Variants in GALNT11 observed in about 807,000 individuals in gnomAD.
GALNT11 encodes UDP-GalNAc:polypeptide N-acetylgalactosaminyltransferase 11.
A neutral mutation model predicts 72.7 loss-of-function variants in GALNT11; 47 were observed. The observed-to-expected ratio is 0.65, with a 90% CI of 0.51 to 0.82. The LOEUF is 0.82. Among genes scored for constraint, GALNT11 ranks in the 40% least tolerant of loss-of-function variants. The pLI is 0.00. For synonymous variants in GALNT11, 270 were observed against 286.6 expected, an observed-to-expected ratio of 0.94 and a Z score of 0.58; for missense variants, 677 against 778.4, an observed-to-expected ratio of 0.87 and a Z score of 1.55.
At chr7:152,026,270 A>G (rs1440355240) in intron 1 of GALNT11, among the ~76,000 whole-genome samples, 1 of 152,256 alleles carries the variant, frequency 6.6e-6, no homozygotes, top group Non-Finnish European at 1.5e-5. Flanking sequence ...TCACACATAC[A>G]CAAAACTAGG....
intron 9 of GALNT11, chr7:152,118,036 A>T (rs778801135): frequency 6.6e-6 from 1 of 152,604 alleles, no homozygotes; most frequent in Non-Finnish European, 1.5e-5. Context: ...TGAAGAAGGC[A>T]CTTCTCCCAG....
intron 1 of GALNT11, among the ~76,000 whole-genome samples, chr7:152,043,403 A>G (rs1283902730): frequency 6.6e-6 from 1 of 152,216 alleles, no homozygotes; most frequent in Non-Finnish European, 1.5e-5. Flanking sequence ...GGGGACAGAC[A>G]TTGTACAGGG....
chr7:152,069,114 C>G (rs1193952340), intron 1 of GALNT11, among the ~76,000 whole-genome samples: 1 of 152,158 alleles, frequency 6.6e-6, no homozygotes, highest in Non-Finnish European at 1.5e-5. Context: ...TGCTTTGTAT[C>G]CCACAAATGT....
At chr7:152,102,742 G>T (rs926765850) in intron 3 of GALNT11, among the ~76,000 whole-genome samples, 3 of 152,180 alleles carry the variant, frequency 2.0e-5, no homozygotes, top group Non-Finnish European at 4.4e-5. Context: ...AGCACTTTGG[G>T]AGGCTGGGGT....
rs542452095 is a variant in GALNT11, at chr7:152,093,125, A to G, written c.-38-1065A>G. Among the ~76,000 whole-genome samples, 3 of 151,820 alleles carry G rather than the reference A, an allele frequency of 2.0e-5. No homozygotes were observed. The South Asian group carries it at 6.3e-4, about 32-fold the overall frequency. On this transcript the variant is annotated intron_variant, in intron 1 of 11. Coordinates refer to ENST00000430044, the MANE Select transcript of GALNT11 (RefSeq NM_022087.4). ...GCACCTGTAATCCCAGCTACTTGGG[A>G]GGCTGAGGCAGGAGAATCACTTGAA... is the stretch of plus-strand genomic sequence containing the variant.
intron 9 of GALNT11, chr7:152,117,960 T>TCTTAGATGTTGGCTTCTAAAAGCCAA (rs2089044589): frequency 3.3e-5 from 5 of 153,076 alleles, no homozygotes; most frequent in Non-Finnish European, 5.8e-5. Context: ...CTGAGTCATC[T>TCTTAGATGTTGGCTTCTAAAAGCCAA]CTTAGAGTTG....
chr7:152,071,154 G>A (rs1307806863), intron 1 of GALNT11, among the ~76,000 whole-genome samples: 1 of 152,212 alleles, frequency 6.6e-6, no homozygotes, highest in African/African-American at 2.4e-5. Flanking sequence ...AGGAGACAGG[G>A]TTTTAAGATC....
Position 152,100,898 on chromosome 7 carries a change from T to C in GALNT11, c.396T>C (p.Asp132=). ...GTGACCGCTTGGGCTACCACAGAGATGTGCCAGACACAAGGAATGCAGCGT... is the reference window on the plus strand; with the variant it reads ...GTGACCGCTTGGGCTACCACAGAGACGTGCCAGACACAAGGAATGCAGCGT... The part of the protein sequence containing the change: ...LISDRLGYHR[D]VPDTRNAACK... Residue 132 remains aspartate (D), a synonymous_variant, in exon 3 of 12, where the codon GAT becomes GAC. Transcript: ENST00000430044. 6.2e-7 allele frequency: 1 copy of C among 1,614,002 alleles called. No homozygotes were observed. The highest frequency in any genetic ancestry group is 1.1e-5 in the South Asian group (1 of 91,070).
chr7:152,121,925 C>T lies in GALNT11; in HGVS notation c.*248C>T. ...AAGAAGTGAGTATGTTTCACCTGGA[C>T]ATTAAGGTGATGTTTGAGCTGCTGT... On this transcript the variant is annotated 3_prime_UTR_variant, in exon 12 of 12. Transcript: ENST00000430044. 2.5e-6 allele frequency: 1 copy of T among 395,338 alleles called. No individual in the cohort carries two copies. The highest frequency in any genetic ancestry group is 4.1e-5 in the East Asian group (1 of 24,330). The allele number at this position is 395,338 out of a possible 1,614,324, so 24.5% of individuals were successfully genotyped here. A position where few individuals can be genotyped will look rare whatever the true frequency, so the allele number is the denominator to read the frequency against.
At chr7:152,095,144 T>C (rs2086290136) in intron 2 of GALNT11, among the ~76,000 whole-genome samples, 1 of 152,084 alleles carries the variant, frequency 6.6e-6, no homozygotes. Flanking sequence ...AAAAAATATA[T>C]GTATATATAA....
At chr7:152,108,501 C>T (rs572546732) in intron 6 of GALNT11, among the ~76,000 whole-genome samples, 2 of 152,312 alleles carry the variant, frequency 1.3e-5, no homozygotes, top group African/African-American at 4.8e-5. Flanking sequence ...CCCTCAAGGA[C>T]TTAGAGCCTG....
chr7:152,064,177 CTCT>C (rs1488565400), intron 1 of GALNT11, among the ~76,000 whole-genome samples: 1 of 152,150 alleles, frequency 6.6e-6, no homozygotes, highest in Non-Finnish European at 1.5e-5. Context: ...GGGTAGTTAG[CTCT>C]TCTTGTTGAA....
In GALNT11 at chr7:152,122,003, A is replaced by G. The variant is rs2129084124; in HGVS notation, c.*326A>G. On this transcript the variant is annotated 3_prime_UTR_variant, in exon 12 of 12. Transcript: ENST00000430044. Reference sequence around the variant, plus strand: ...ACCACAGTATCATTTTAACTCTAGAATTGGGCTTGTACAGAAGGATAAAAC... The same window carrying G: ...ACCACAGTATCATTTTAACTCTAGAGTTGGGCTTGTACAGAAGGATAAAAC... The G allele has an allele frequency of 4.5e-6, 1 of 222,180 alleles. No individual in the cohort carries two copies. 13.8% of individuals were successfully genotyped at this position (222,180 alleles called of 1,614,324 possible). A position where few individuals can be genotyped will look rare whatever the true frequency, so the allele number is the denominator to read the frequency against.
chr7:152,119,637 G>A (rs918501385), intron 10 of GALNT11: 6 of 152,202 alleles, frequency 3.9e-5, no homozygotes, highest in African/African-American at 1.4e-4. Context: ...CACTTTGGGA[G>A]GATGAGGTGG....
intron 1 of GALNT11, among the ~76,000 whole-genome samples, chr7:152,035,625 G>C (rs35326204): frequency 0.05 from 7,582 of 152,250 alleles, 315 homozygotes; most frequent in East Asian, 0.2. Flanking sequence ...TCCCAACTCC[G>C]AAGAGTCAGG....
intron 9 of GALNT11, chr7:152,117,973 T>G (rs1013388778): frequency 6.5e-6 from 1 of 153,098 alleles, no homozygotes; most frequent in African/African-American, 2.4e-5. Flanking sequence ...TAGAGTTGGC[T>G]TCTAAAAGCT....
intron 6 of GALNT11, among the ~76,000 whole-genome samples, chr7:152,108,827 C>G (rs1029905037): frequency 6.6e-6 from 1 of 151,952 alleles, no homozygotes; most frequent in African/African-American, 2.4e-5. Context: ...AAATTTCTTA[C>G]GTAGATTGAA....
At chr7:152,036,561 A>G (rs2082590191) in intron 1 of GALNT11, among the ~76,000 whole-genome samples, 1 of 152,234 alleles carries the variant, frequency 6.6e-6, no homozygotes, top group African/African-American at 2.4e-5. Context: ...ATGAGACTGC[A>G]GACCTCTTTG....
intron 1 of GALNT11, among the ~76,000 whole-genome samples, chr7:152,088,640 C>T (rs910368361): frequency 6.6e-6 from 1 of 151,802 alleles, no homozygotes; most frequent in Admixed American, 6.6e-5. Flanking sequence ...AGAATCTTTC[C>T]TCATTTTCTG....
Sources: allele counts gnomAD v4.1 joint callset (sites outside exome capture counted in the v4.1 genomes callset), GRCh38; gene constraint gnomAD v4.1.1; transcripts MANE v1.5; gene names NCBI Gene and HGNC (gene_info 2026-07-23, HGNC 2026-07-21).